The following RELN variants were observed in gnomAD, a reference collection of about 807,000 sequenced individuals.
RELN encodes the protein reelin.
A neutral mutation model predicts 427.6 loss-of-function variants in RELN; 108 were observed. The ratio of observed to expected loss-of-function variants is 0.25; its 90% CI spans 0.22 to 0.30. The LOEUF is 0.30. Among genes scored for constraint, RELN ranks in the 10% least tolerant of loss-of-function variants. The pLI is 1.00. For missense variants in RELN, 3,715 were observed against 4,302.8 expected (o/e 0.86, Z 3.82); for synonymous variants, 1,524 against 1,513.4 (o/e 1.01, Z -0.16).
intron 3 of RELN, among the ~76,000 whole-genome samples, chr7:103,814,375 T>G (rs1792817972): frequency 6.6e-6 from 1 of 152,214 alleles, no homozygotes; most frequent in African/African-American, 2.4e-5. Context: ...AAGTTTATTC[T>G]GATTCACTTA....
In RELN at chr7:103,630,176, T is replaced by G. The variant is rs779002595; in HGVS notation, c.2466A>C (p.Arg822Ser). Residue 822 changes from arginine to serine, a missense_variant and splice_region_variant, in exon 20 of 65, where the codon AGA (arginine) becomes AGC (serine). This residue lies in a region of RELN where 2,208 missense variants were observed against 2,361.7 expected (regional missense o/e 0.93). Coordinates refer to ENST00000428762, the MANE Select transcript of RELN (RefSeq NM_005045.4). ...HYSYLSYHEP[R>S]IISVELPGDA... ...CACCTGGTAGTTCTACGGAGATTAT[T>G]CTAGAGAAAAAAAAAAAGTCAAAAT... is the stretch of plus-strand genomic sequence containing the variant. 6 of 1,599,176 alleles carry G rather than the reference T, an allele frequency of 3.8e-6. No individual in the cohort carries two copies. In the African/African-American group the frequency reaches 4.0e-5, roughly 11 times the overall value.
In RELN at chr7:103,652,777, C is replaced by A. The variant is rs368494804; in HGVS notation, c.1555-18G>T. On this transcript the variant is annotated intron_variant, in intron 13 of 64. Transcript: ENST00000428762. ...GACGGAACCTTTCAAACAAAGGAGA[C>A]CAGAATCACTCAAAATCCTTTCTAG... 3 of 1,608,212 alleles carry A rather than the reference C, an allele frequency of 1.9e-6. No individual in the cohort carries two copies. Among genetic ancestry groups the A allele is most frequent in the Non-Finnish European group, 2.6e-6 (3 of 1,175,358 alleles).
At chr7:103,775,607 T>C (rs1791718296) in intron 4 of RELN, among the ~76,000 whole-genome samples, 1 of 152,102 alleles carries the variant, frequency 6.6e-6, no homozygotes, top group Non-Finnish European at 1.5e-5. Context: ...AGTTAACAAA[T>C]TCCCCCCCAA....
At position 103,824,971 on chromosome 7, in the gene RELN, C is replaced by T. The variant is rs1241110400; in HGVS notation, c.473+8566G>A. Among the ~76,000 whole-genome samples, 1 of 145,792 alleles carries T rather than the reference C, an allele frequency of 6.9e-6. No individual in the cohort carries two copies. The highest frequency in any genetic ancestry group is 1.5e-5 in the Non-Finnish European group (1 of 64,898). ...CCTGTCTTTGCGAGTTTTTGAAGCTCTTGCTTCAAATAATAGGTGGTTCTA... is the reference window on the plus strand; with the variant it reads ...CCTGTCTTTGCGAGTTTTTGAAGCTTTTGCTTCAAATAATAGGTGGTTCTA... On this transcript the variant is annotated intron_variant, in intron 3 of 64. Transcript: ENST00000428762. This position sits in a 1 kb window ranked among gnomAD's most constrained non-coding sequence, Gnocchi z 4.4.
chr7:103,795,522 G>A (rs971746049), intron 3 of RELN, among the ~76,000 whole-genome samples: 2 of 152,150 alleles, frequency 1.3e-5, no homozygotes, highest in African/African-American at 2.4e-5. Flanking sequence ...GAGCAAAAGA[G>A]ACTGAATCAA....
At chr7:103,966,240 G>T (rs1048571799) in intron 1 of RELN, among the ~76,000 whole-genome samples, 4 of 82,330 alleles carry the variant, frequency 4.9e-5, no homozygotes, top group African/African-American at 2.0e-4. Flanking sequence ...GTTCTGGCTC[G>T]CAGGTGGCCA....
At chr7:103,664,798 T>C (rs919893154) in intron 11 of RELN, among the ~76,000 whole-genome samples, 1 of 152,168 alleles carries the variant, frequency 6.6e-6, no homozygotes, top group Non-Finnish European at 1.5e-5. Flanking sequence ...TTTATGTCCA[T>C]TTTGTATTAG....
intron 33 of RELN, 33 bp from the exon 34 acceptor site, chr7:103,565,584 A>C: frequency 6.2e-7 from 1 of 1,602,150 alleles, no homozygotes; most frequent in Non-Finnish European, 8.5e-7. Context: ...GGTAGCATAT[A>C]TGTGTGCCAT....
chr7:103,808,839 A>C (rs1178818800), intron 3 of RELN, among the ~76,000 whole-genome samples: 1 of 152,104 alleles, frequency 6.6e-6, no homozygotes, highest in Non-Finnish European at 1.5e-5. Context: ...GCATTCCAGA[A>C]AAAAGAGAAA....
chr7:103,489,215 T>TGTGTGTGTGTGCGCGCGCACGCGC lies in RELN; in HGVS notation c.9763+526_9763+527insGCGCGTGCGCGCGCACACACACAC, dbSNP rs1554362029. ...TGAGTCATAAAGGGGTGTGTGTGTG[T>TGTGTGTGTGTGCGCGCGCACGCGC]GTGTGTGTGTGTGTCCGTGTCACAG... On this transcript the variant is annotated intron_variant, in intron 60 of 64. Transcript: ENST00000428762. Among the ~76,000 whole-genome samples, 1,021 of 151,562 alleles carry TGTGTGTGTGTGCGCGCGCACGCGC rather than the reference T, an allele frequency of 6.7e-3. 14 individuals carry two copies. The highest frequency in any genetic ancestry group is 0.023 in the African/African-American group (971 of 41,326).
In RELN at chr7:103,561,542, A is replaced by G; in HGVS notation, c.5519T>C (p.Ile1840Thr). ...GETIKSGTSL[I>T]FKGEGLRMLI... Reference sequence around the variant, plus strand: ...TTATCTGTATCTGACCCCTTTAAAAATTAGAGATGTTCCAGATTTGATGGT... The same window carrying G: ...TTATCTGTATCTGACCCCTTTAAAAGTTAGAGATGTTCCAGATTTGATGGT... Residue 1840 changes from isoleucine (I) to threonine (T), a missense_variant, in exon 36 of 65, where the codon ATT (isoleucine) becomes ACT (threonine). Ile to Thr is a moderately conservative substitution (Grantham distance 89). This residue lies in a region of RELN where 2,208 missense variants were observed against 2,361.7 expected (regional missense o/e 0.93). Coordinates refer to ENST00000428762, the MANE Select transcript of RELN (RefSeq NM_005045.4). 1 of 1,613,376 alleles carries G rather than the reference A, an allele frequency of 6.2e-7. No individual in the cohort carries two copies.
rs373722911 is a variant in RELN, at chr7:103,484,437, G to A, written c.9984-587C>T. The stretch of plus-strand genomic sequence containing the variant: ...GCTTTGGGAGGGACGCACATGGAGC[G>A]GTGAGGGAGGAAGGGGACACCTGCC... On this transcript the variant is annotated intron_variant, in intron 61 of 64. Coordinates refer to ENST00000428762, the MANE Select transcript of RELN (RefSeq NM_005045.4). 50 of 158,520 alleles carry A rather than the reference G, an allele frequency of 3.2e-4. No individual in the cohort carries two copies. The East Asian group carries it at 5.9e-3, about 19-fold the overall frequency. 9.8% of individuals were successfully genotyped at this position (158,520 alleles called of 1,614,324 possible).
chr7:103,721,899 T>G (rs1790085193), intron 8 of RELN, among the ~76,000 whole-genome samples: 1 of 152,198 alleles, frequency 6.6e-6, no homozygotes, highest in Non-Finnish European at 1.5e-5. Context: ...AAAAAATTTG[T>G]TTTTGTAGCA....
At chr7:103,937,035 A>G (rs1474595715) in intron 1 of RELN, among the ~76,000 whole-genome samples, 1 of 152,132 alleles carries the variant, frequency 6.6e-6, no homozygotes, top group Non-Finnish European at 1.5e-5. Context: ...TGGTTTTTAA[A>G]TATCTTTTTC....
At chr7:103,869,852 C>T (rs1404818976) in intron 2 of RELN, among the ~76,000 whole-genome samples, 1 of 152,104 alleles carries the variant, frequency 6.6e-6, no homozygotes, top group Non-Finnish European at 1.5e-5. Context: ...AACTTTAATT[C>T]TCTGTTTCTG....
intron 16 of RELN, among the ~76,000 whole-genome samples, chr7:103,645,694 A>T (rs2117374802): frequency 1.3e-5 from 2 of 151,918 alleles, no homozygotes; most frequent in South Asian, 4.1e-4. Flanking sequence ...AAGAGACTTC[A>T]ACATGCCACT....
At chr7:103,867,683 C>G (rs1025976946) in intron 2 of RELN, among the ~76,000 whole-genome samples, 3 of 152,066 alleles carry the variant, frequency 2.0e-5, no homozygotes, top group Non-Finnish European at 4.4e-5. Context: ...TGGTGTTGTT[C>G]CTGATTTAGC....
intron 2 of RELN, among the ~76,000 whole-genome samples, chr7:103,836,157 G>A (rs1793401773): frequency 6.6e-6 from 1 of 151,828 alleles, no homozygotes; most frequent in Admixed American, 6.6e-5. Context: ...AGTAGAGATG[G>A]GGTTTCACCA....
chr7:103,757,507 T>C (rs919337688), intron 4 of RELN, among the ~76,000 whole-genome samples: 2 of 152,198 alleles, frequency 1.3e-5, no homozygotes, highest in Non-Finnish European at 2.9e-5. Flanking sequence ...GATTAAAACC[T>C]AGCAACGACA....
Sources: allele counts gnomAD v4.1 joint callset (sites outside exome capture counted in the v4.1 genomes callset), GRCh38; gene constraint gnomAD v4.1.1; regional missense constraint gnomAD v4.1.1; non-coding constraint Gnocchi (gnomAD v3.1); transcripts MANE v1.5; gene names NCBI Gene and HGNC (gene_info 2026-07-23, HGNC 2026-07-21).